AMMECR1: variants seen among roughly 807,000 people sequenced by gnomAD.
AMMECR1 encodes the protein AMMECR nuclear protein 1, also known as nuclear protein AMMECR1.
Under a neutral mutation model 22.5 loss-of-function variants are expected in AMMECR1, and 3 were observed. The observed-to-expected ratio is 0.13, with a 90% CI of 0.06 to 0.35. AMMECR1 has a LOEUF of 0.35. Among genes scored for constraint, AMMECR1 ranks in the 10% least tolerant of loss-of-function variants. The pLI is 1.00. For synonymous variants in AMMECR1, 130 were observed against 116.7 expected (o/e 1.11, Z -0.74); for missense variants, 235 against 278.7 (o/e 0.84, Z 1.12).
chrX:110,302,950 T>C (rs1346445980), intron 1 of AMMECR1, among the ~76,000 whole-genome samples: 5 of 111,095 alleles, frequency 4.5e-5, no homozygotes, highest in Non-Finnish European at 7.5e-5. Context: ...AAATTTATAC[T>C]TCAAATTTGG....
At position 110,217,725 on chromosome X, in the gene AMMECR1, C is replaced by T. The variant is rs751762548; in HGVS notation, c.585-1093G>A. ...TATCCTCAGAGGTTACAAACTCAGA[C>T]TCTACAAACTGCTTGGGTCATAACA... is the stretch of plus-strand genomic sequence containing the variant. On this transcript the variant is annotated intron_variant, in intron 2 of 5. Coordinates refer to ENST00000262844, the MANE Select transcript of AMMECR1 (RefSeq NM_015365.3). Among the ~76,000 whole-genome samples, 8 of 111,402 alleles carry T rather than the reference C, an allele frequency of 7.2e-5. No homozygotes were observed. In the East Asian group the frequency reaches 1.7e-3, roughly 24 times the overall value.
At chrX:110,277,777 G>C (rs887465382) in intron 1 of AMMECR1, among the ~76,000 whole-genome samples, 2 of 111,326 alleles carry the variant, frequency 1.8e-5, no homozygotes, top group East Asian at 5.6e-4. Flanking sequence ...AAATTTAAAA[G>C]AAATTAAAGC....
At chrX:110,436,369 A>C (rs2068838517) in intron 1 of AMMECR1, among the ~76,000 whole-genome samples, 2 of 111,901 alleles carry the variant, frequency 1.8e-5, no homozygotes, top group Non-Finnish European at 1.9e-5. Context: ...AGAGCTCTTT[A>C]AACATGCAGA....
chrX:110,213,833 C>T (rs781122363), intron 3 of AMMECR1, among the ~76,000 whole-genome samples: 6 of 111,108 alleles, frequency 5.4e-5, no homozygotes, highest in African/African-American at 1.3e-4. Flanking sequence ...CACCCTTATT[C>T]GTTGTATACA....
At chrX:110,265,422 C>A (rs745962213) in intron 1 of AMMECR1, among the ~76,000 whole-genome samples, 74 of 111,727 alleles carry the variant, frequency 6.6e-4, no homozygotes, top group Non-Finnish European at 1.1e-3. Flanking sequence ...CAAATACAAT[C>A]TCTCAAGCAT....
intron 1 of AMMECR1, among the ~76,000 whole-genome samples, chrX:110,313,039 T>C (rs980809153): frequency 8.9e-6 from 1 of 111,933 alleles, no homozygotes; most frequent in African/African-American, 3.2e-5. Flanking sequence ...TTTAATATCA[T>C]TTTAACCTGA....
chrX:110,350,154 T>A (rs1333049079), intron 2 of AMMECR1, among the ~76,000 whole-genome samples: 1 of 112,114 alleles, frequency 8.9e-6, no homozygotes, highest in Non-Finnish European at 1.9e-5. Flanking sequence ...AAGGTATAGG[T>A]CTGTCTCTTA....
In AMMECR1 at chrX:110,200,980, T is replaced by C. The variant is rs1160009207; in HGVS notation, c.861A>G (p.Glu287=). Residue 287 remains glutamate, a synonymous_variant, in exon 5 of 6, where the codon GAA becomes GAG. Coordinates refer to ENST00000262844, the MANE Select transcript of AMMECR1 (RefSeq NM_015365.3). ...TGGTCAGTTTTATGGTTTTCCTGAA[T>C]TCATTAGTAATCGGAGCTTTGTATC... ...KGGYKAPITN[E]FRKTIKLTRY... is the part of the protein sequence containing the mutation. 8.3e-7 allele frequency: 1 copy of C among 1,208,409 alleles called. No individual in the cohort carries two copies. The highest frequency in any genetic ancestry group is 1.1e-6 in the Non-Finnish European group (1 of 892,627).
chrX:110,265,053 T>TA (rs772285092), intron 1 of AMMECR1, among the ~76,000 whole-genome samples: 2 of 111,652 alleles, frequency 1.8e-5, no homozygotes, highest in Admixed American at 9.5e-5. Context: ...AAATCCGGGA[T>TA]AAAAACCAAT....
intron 1 of AMMECR1, 94 bp from the exon 2 acceptor site, chrX:110,264,693 A>G (rs948611895): frequency 4.3e-6 from 3 of 705,685 alleles, no homozygotes; most frequent in Non-Finnish European, 6.4e-6. Context: ...GGTGCCTGAG[A>G]TATAAAGACC....
At chrX:110,276,166 T>C (rs1472866782) in intron 1 of AMMECR1, among the ~76,000 whole-genome samples, 1 of 112,078 alleles carries the variant, frequency 8.9e-6, no homozygotes. Flanking sequence ...TCTAATTTGC[T>C]ATTTATTTCT....
intron 4 of AMMECR1, among the ~76,000 whole-genome samples, chrX:110,202,100 A>T (rs1262490948): frequency 8.9e-6 from 1 of 112,451 alleles, no homozygotes; most frequent in East Asian, 2.8e-4. Flanking sequence ...TATGTGGCTG[A>T]TTGTCAAACA....
At chrX:110,397,210 T>A (rs2068534222) in intron 2 of AMMECR1, among the ~76,000 whole-genome samples, 1 of 111,129 alleles carries the variant, frequency 9.0e-6, no homozygotes, top group South Asian at 3.8e-4. Context: ...GATCTCCATG[T>A]CTAATTCTCT....
At chrX:110,352,387 A>T (rs1244354569) in intron 2 of AMMECR1, among the ~76,000 whole-genome samples, 1 of 112,831 alleles carries the variant, frequency 8.9e-6, no homozygotes, top group African/African-American at 3.2e-5. Context: ...ATACTGATAC[A>T]TTCTACAACA....
intron 2 of AMMECR1, among the ~76,000 whole-genome samples, chrX:110,351,165 C>A (rs1179798714): frequency 9.0e-6 from 1 of 111,656 alleles, no homozygotes; most frequent in Non-Finnish European, 1.9e-5. Context: ...GTTAAGACAG[C>A]AATACTACTC....
chrX:110,261,097 G>A (rs181918378), intron 2 of AMMECR1, among the ~76,000 whole-genome samples: 11 of 111,022 alleles, frequency 9.9e-5, no homozygotes, highest in Non-Finnish European at 1.3e-4. Flanking sequence ...GATGAAAAAC[G>A]TTCTGGAGAT....
intron 2 of AMMECR1, among the ~76,000 whole-genome samples, chrX:110,411,676 A>G (rs1222836665): frequency 8.9e-6 from 1 of 112,507 alleles, no homozygotes. Flanking sequence ...CATATAAACC[A>G]GGATAAAGTC....
At chrX:110,346,617 T>C in intron 2 of AMMECR1, 1 of 525,498 alleles carries the variant, frequency 1.9e-6, no homozygotes, top group Non-Finnish European at 3.5e-6. Context: ...AGGGATAAGC[T>C]TTTGTACAGG....
intron 2 of AMMECR1, among the ~76,000 whole-genome samples, chrX:110,375,632 A>G (rs1021807322): frequency 3.6e-5 from 4 of 112,116 alleles, no homozygotes; most frequent in Non-Finnish European, 7.5e-5. Flanking sequence ...AAATGAAATC[A>G]GGGATGGGGA....
Sources: allele counts gnomAD v4.1 joint callset (sites outside exome capture counted in the v4.1 genomes callset), GRCh38; gene constraint gnomAD v4.1.1; transcripts MANE v1.5; gene names NCBI Gene and HGNC (gene_info 2026-07-23, HGNC 2026-07-21).